Variants in SULF1 observed in about 807,000 individuals in gnomAD.
SULF1 encodes the protein extracellular sulfatase Sulf-1.
SULF1 carries 46 observed loss-of-function variants against 110.5 expected under a neutral mutation model. The ratio of observed to expected loss-of-function variants is 0.42; its 90% CI spans 0.33 to 0.53. The LOEUF (loss-of-function observed/expected upper bound fraction) is 0.53. SULF1 is among the 20% of genes least tolerant of loss of function. The pLI is 0.12. For missense variants in SULF1, 941 were observed against 1,094.2 expected (o/e 0.86, Z 1.98); for synonymous variants, 371 against 387.1 (o/e 0.96, Z 0.49).
chr8:69,640,146 GGAAA>G (rs1169272374), intron 21 of SULF1, among the ~76,000 whole-genome samples: 1 of 143,812 alleles, frequency 7.0e-6, no homozygotes, highest in Admixed American at 7.2e-5. Flanking sequence ...AAGGAAGGAA[GGAAA>G]GAAAGAAAGA....
chr8:69,499,484 A>G (rs995658119), intron 2 of SULF1, among the ~76,000 whole-genome samples: 4 of 152,226 alleles, frequency 2.6e-5, no homozygotes, highest in Non-Finnish European at 4.4e-5. Flanking sequence ...ACCTGTTTAT[A>G]AGGAACTGTT....
intron 3 of SULF1, among the ~76,000 whole-genome samples, chr8:69,561,402 T>C (rs537829515): frequency 4.6e-5 from 7 of 152,192 alleles, no homozygotes; most frequent in Non-Finnish European, 1.0e-4. Context: ...TATTAGGAAA[T>C]GATTTTTGAT....
chr8:69,607,171 G>C (rs1011744002), intron 13 of SULF1, among the ~76,000 whole-genome samples: 4 of 152,228 alleles, frequency 2.6e-5, no homozygotes, highest in Non-Finnish European at 5.9e-5. Context: ...CCAGCAATCT[G>C]TGTGTTAACA....
At chr8:69,611,017 G>A (rs1269868644) in intron 13 of SULF1, among the ~76,000 whole-genome samples, 1 of 152,174 alleles carries the variant, frequency 6.6e-6, no homozygotes, top group East Asian at 1.9e-4. Flanking sequence ...TACTGCCTTC[G>A]TACCATTCTC....
chr8:69,470,038 G>A (rs942447519), intron 1 of SULF1, among the ~76,000 whole-genome samples: 11 of 150,570 alleles, frequency 7.3e-5, no homozygotes, highest in East Asian at 1.9e-4. Context: ...GTGAAACTCC[G>A]TCTAAAAAAC....
At chr8:69,641,659 G>A (rs4737285) in intron 22 of SULF1, among the ~76,000 whole-genome samples, 70,790 of 151,802 alleles carry the variant, frequency 0.47, 17,080 homozygotes, top group African/African-American at 0.59. Flanking sequence ...CAGGAGGATC[G>A]CTTGAGCCCA....
intron 8 of SULF1, among the ~76,000 whole-genome samples, chr8:69,594,424 TCA>T (rs111619172): frequency 6.6e-6 from 1 of 151,626 alleles, no homozygotes; most frequent in Non-Finnish European, 1.5e-5. Context: ...GCATGTACAC[TCA>T]CACACACACA....
rs982814205 is a variant in SULF1 at position 69,660,534 on chromosome 8, A to G, written c.*1999A>G. 4 of 152,710 alleles carry G rather than the reference A, an allele frequency of 2.6e-5. No individual in the cohort carries two copies. Among genetic ancestry groups the G allele is most frequent in the Non-Finnish European group, 5.9e-5 (4 of 68,008 alleles). The allele number at this position is 152,710 out of a possible 1,614,324, so 9.5% of individuals were successfully genotyped here. A position where few individuals can be genotyped will look rare whatever the true frequency, so the allele number is the denominator to read the frequency against. On this transcript the variant is annotated 3_prime_UTR_variant, in exon 23 of 23. Transcript: ENST00000402687. ...AAGATGATGTGTTTTTGCTTACCCT[A>G]AGAGAGGTTTTCTTCTTATTTTTAG... is the stretch of plus-strand genomic sequence containing the variant.
intron 19 of SULF1, among the ~76,000 whole-genome samples, chr8:69,631,209 T>C (rs558502555): frequency 7.4e-4 from 113 of 152,356 alleles, no homozygotes; most frequent in Middle Eastern, 3.4e-3. Context: ...TGGAAGCTCC[T>C]TGAAAGCTGA....
intron 8 of SULF1, among the ~76,000 whole-genome samples, chr8:69,591,420 C>T (rs1333704790): frequency 6.6e-6 from 1 of 151,738 alleles, no homozygotes; most frequent in African/African-American, 2.4e-5. Flanking sequence ...AAAAATTAGC[C>T]AGGCGTGGTG....
chr8:69,471,480 AT>A (rs1809080846), intron 1 of SULF1, among the ~76,000 whole-genome samples: 1 of 152,198 alleles, frequency 6.6e-6, no homozygotes, highest in Non-Finnish European at 1.5e-5. Flanking sequence ...AAGTGAAATA[AT>A]TGCCCCAGAT....
intron 3 of SULF1, among the ~76,000 whole-genome samples, chr8:69,506,278 C>T (rs925073296): frequency 2.0e-5 from 3 of 151,914 alleles, no homozygotes; most frequent in East Asian, 3.9e-4. Flanking sequence ...CCTCCCTTCA[C>T]GTAGCCATTC....
chr8:69,545,981 C>T (rs1418264345), intron 3 of SULF1, among the ~76,000 whole-genome samples: 1 of 152,226 alleles, frequency 6.6e-6, no homozygotes, highest in Non-Finnish European at 1.5e-5. Flanking sequence ...AGGCGTGAGC[C>T]ACCATGTCCA....
intron 3 of SULF1, among the ~76,000 whole-genome samples, chr8:69,528,267 G>A (rs539461175): frequency 6.6e-6 from 1 of 152,230 alleles, no homozygotes; most frequent in African/African-American, 2.4e-5. Context: ...GTATAAATAT[G>A]CTAATATTCT....
intron 1 of SULF1, among the ~76,000 whole-genome samples, chr8:69,477,833 A>G (rs1809363338): frequency 6.6e-6 from 1 of 152,106 alleles, no homozygotes; most frequent in Non-Finnish European, 1.5e-5. Flanking sequence ...TCTTCCTTTA[A>G]GACAAGCTTA....
At position 69,644,508 on chromosome 8, in the gene SULF1, A is replaced by T. The variant is rs369589972; in HGVS notation, c.2585+3667A>T. 7.6e-4 allele frequency among the ~76,000 whole-genome samples: 116 copies of T among 152,258 alleles called. 1 individual carries two copies. In the South Asian group the frequency reaches 0.017, roughly 22 times the overall value. On this transcript the variant is annotated intron_variant, in intron 22 of 22. Coordinates refer to ENST00000402687, the MANE Select transcript of SULF1 (RefSeq NM_001128205.2). ...CTCCATCATCAGTCACAGGCAACCA[A>T]GAATTGATCACTCTCCCAGAACTTT...
chr8:69,649,994 TTTTTTTTTTTTTTTTG>T (rs1812208859), intron 22 of SULF1, among the ~76,000 whole-genome samples: 3 of 113,448 alleles, frequency 2.6e-5, no homozygotes, highest in Admixed American at 9.4e-5. Flanking sequence ...TTTTTTTTTT[TTTTTTTTTTTTTTTTG>T]TCTGAGACAC....
intron 3 of SULF1, among the ~76,000 whole-genome samples, chr8:69,513,260 C>T (rs1044806973): frequency 4.6e-5 from 7 of 152,292 alleles, no homozygotes; most frequent in Middle Eastern, 3.4e-3. Context: ...TTTAAGATCA[C>T]CTACATAATT....
chr8:69,549,799 G>A (rs183505103), intron 3 of SULF1, among the ~76,000 whole-genome samples: 88 of 152,120 alleles, frequency 5.8e-4, no homozygotes, highest in African/African-American at 2.0e-3. Context: ...GTTGTCTCGC[G>A]ACTCCACAAT....
Sources: allele counts gnomAD v4.1 joint callset (sites outside exome capture counted in the v4.1 genomes callset), GRCh38; gene constraint gnomAD v4.1.1; transcripts MANE v1.5; gene names NCBI Gene and HGNC (gene_info 2026-07-23, HGNC 2026-07-21).